The following ACOT1 variants were observed in gnomAD, a reference collection of about 807,000 sequenced individuals.
The protein encoded by ACOT1 is acyl-CoA thioesterase 1.
A neutral mutation model predicts 15.7 loss-of-function variants in ACOT1; 8 were observed. The observed-to-expected ratio is 0.51, with a 90% confidence interval of 0.30 to 0.92. ACOT1 has a LOEUF of 0.92. ACOT1 is among the 40% of genes least tolerant of loss of function. The pLI is 0.06. For synonymous variants in ACOT1, 67 were observed against 241.2 expected (o/e 0.28, Z 6.69); for missense variants, 151 against 539.4 (o/e 0.28, Z 7.13).
the ACOT1 span, among the ~76,000 whole-genome samples, chr14:73,515,128 G>A: frequency 1.3e-5 from 2 of 151,804 alleles, no homozygotes; most frequent in Admixed American, 6.6e-5. Context: ...GTTTTTCATG[G>A]TGTCAAATTT....
chr14:73,502,402 T>C, the ACOT1 span, among the ~76,000 whole-genome samples: 27 of 152,268 alleles, frequency 1.8e-4, no homozygotes, highest in South Asian at 5.2e-3. Context: ...ACCGAAACCA[T>C]TGCCTCACAC....
chr14:73,492,782 C>G, the ACOT1 span: 1 of 1,613,876 alleles, frequency 6.2e-7, no homozygotes, highest in South Asian at 1.1e-5. This position sits in a 1 kb window ranked among gnomAD's most constrained non-coding sequence, Gnocchi z 4.9. Flanking sequence ...GGAAATATAC[C>G]CCCAGCAAGC....
At chr14:73,542,287 C>G (rs1889114155) in intron 2 of ACOT1, among the ~76,000 whole-genome samples, 1 of 110,844 alleles carries the variant, frequency 9.0e-6, no homozygotes, top group South Asian at 2.8e-4. Flanking sequence ...CATGAGCCAC[C>G]ACACCTGGCC....
At chr14:73,504,400 A>G in the ACOT1 span, among the ~76,000 whole-genome samples, 1 of 151,518 alleles carries the variant, frequency 6.6e-6, no homozygotes, top group Non-Finnish European at 1.5e-5. Context: ...CTGCCACCAC[A>G]CCCGCCTAAT....
upstream of ACOT1, among the ~76,000 whole-genome samples, chr14:73,532,906 G>T (rs1481696166): frequency 1.8e-5 from 2 of 113,110 alleles, no homozygotes; most frequent in African/African-American, 5.7e-5. Context: ...AGTGAGCCAA[G>T]ATTGGGCCAC....
the ACOT1 span, among the ~76,000 whole-genome samples, chr14:73,511,520 AAAATAAATAAATAAATAAAT>A: frequency 1.9e-4 from 27 of 141,770 alleles, no homozygotes; most frequent in South Asian, 2.6e-3. Flanking sequence ...CTCTGTCTCA[AAAATAAATAAATAAATAAAT>A]AAATAAATAA....
chr14:73,506,827 T>TTTTTTTTTTTTTTG, the ACOT1 span, among the ~76,000 whole-genome samples: 2 of 122,894 alleles, frequency 1.6e-5, no homozygotes, highest in African/African-American at 6.6e-5. Context: ...TTTTTTTTTC[T>TTTTTTTTTTTTTTG]GAGAAGGTTG....
upstream of ACOT1, among the ~76,000 whole-genome samples, chr14:73,534,891 G>A (rs2140308369): frequency 1.9e-5 from 2 of 105,858 alleles, 1 homozygote; most frequent in East Asian, 1.5e-3. Context: ...GCAATCTCCT[G>A]CCTAGGCCTC....
intron 1 of ACOT1, among the ~76,000 whole-genome samples, chr14:73,538,871 G>A (rs1888975152): frequency 8.9e-6 from 1 of 112,682 alleles, no homozygotes; most frequent in South Asian, 2.8e-4. Flanking sequence ...GGGAGTCTGA[G>A]GCAGGAGAAT....
chr14:73,513,230 G>A, the ACOT1 span, among the ~76,000 whole-genome samples: 8 of 152,298 alleles, frequency 5.3e-5, no homozygotes, highest in Admixed American at 3.3e-4. Flanking sequence ...AGGCCAAGGC[G>A]GGGAGATCAC....
upstream of ACOT1, among the ~76,000 whole-genome samples, chr14:73,532,872 G>A (rs1199339699): frequency 1.9e-4 from 22 of 113,296 alleles, 9 homozygotes; most frequent in Non-Finnish European, 3.8e-4. Context: ...GGAGAATGGC[G>A]TGAACCCAGG....
chr14:73,530,015 G>A, the ACOT1 span: 3 of 139,732 alleles, frequency 2.1e-5, no homozygotes, highest in African/African-American at 7.7e-5. Flanking sequence ...CCAAGCTGGA[G>A]TGCGGTGGCA....
At chr14:73,529,029 G>A in the ACOT1 span, 1 of 152,090 alleles carries the variant, frequency 6.6e-6, no homozygotes, top group Non-Finnish European at 1.5e-5. Context: ...AGAGTGGCAG[G>A]TCCTGGGTCC....
At chr14:73,520,760 C>T in the ACOT1 span, 3 of 1,212,812 alleles carry the variant, frequency 2.5e-6, no homozygotes, top group Non-Finnish European at 2.4e-6. Context: ...GCCTCTTGTC[C>T]ATACCCACAA....
upstream of ACOT1, among the ~76,000 whole-genome samples, chr14:73,536,917 C>T (rs1380019189): frequency 4.4e-5 from 5 of 114,570 alleles, 2 homozygotes; most frequent in African/African-American, 1.4e-4. Flanking sequence ...AAAACCAACT[C>T]CAGTCCTGCA....
the ACOT1 span, among the ~76,000 whole-genome samples, chr14:73,530,794 ATTTT>A: frequency 3.5e-3 from 203 of 57,194 alleles, no homozygotes; most frequent in East Asian, 0.022. Flanking sequence ...TCTCGGTTAA[ATTTT>A]TTTTTTTTTT....
At chr14:73,522,519 C>T in the ACOT1 span, 3 of 1,614,202 alleles carry the variant, frequency 1.9e-6, no homozygotes, top group South Asian at 1.1e-5. Flanking sequence ...GCTGTGCGCT[C>T]GTTCAGCTTT....
chr14:73,542,767 C>T lies in ACOT1; in HGVS notation c.661-283C>T, dbSNP rs531295999. Among the ~76,000 whole-genome samples, 6 of 111,490 alleles carry T rather than the reference C, an allele frequency of 5.4e-5. 3 individuals are homozygous for T. In the East Asian group the frequency reaches 4.2e-3, roughly 78 times the overall value. The allele number at this position is 111,490 out of a possible 152,430, so 73.1% of individuals were successfully genotyped here. Reference sequence around the variant, plus strand: ...GTTATGACAGTGGGAATGGGTGGCTCAGGTGGGAGACAGAAAAAGATCATG... The same window carrying T: ...GTTATGACAGTGGGAATGGGTGGCTTAGGTGGGAGACAGAAAAAGATCATG... On this transcript the variant is annotated intron_variant, in intron 2 of 2. Transcript: ENST00000311148.
At chr14:73,500,658 C>A in the ACOT1 span, 2 of 1,614,194 alleles carry the variant, frequency 1.2e-6, no homozygotes, top group South Asian at 2.2e-5. Context: ...GCTTGGCGGT[C>A]ATAAGCTTGA....
Sources: allele counts gnomAD v4.1 joint callset (sites outside exome capture counted in the v4.1 genomes callset), GRCh38; gene constraint gnomAD v4.1.1; non-coding constraint Gnocchi (gnomAD v3.1); transcripts MANE v1.5; gene names NCBI Gene and HGNC (gene_info 2026-07-23, HGNC 2026-07-21).